The following ARHGEF28 variants were observed in gnomAD, a reference collection of about 807,000 sequenced individuals.
ARHGEF28 encodes the protein 190 kDa guanine nucleotide exchange factor.
A neutral mutation model predicts 206.6 loss-of-function variants in ARHGEF28; 152 were observed. The observed-to-expected ratio is 0.74, with a 90% CI of 0.64 to 0.84. ARHGEF28 has a LOEUF of 0.84. Ranked by LOEUF, ARHGEF28 falls within the 40% of genes least tolerant of loss-of-function variation. The pLI, the probability that ARHGEF28 is intolerant of heterozygous loss-of-function variation, is 0.00. For missense variants in ARHGEF28, 2,028 were observed against 2,073.2 expected, an observed-to-expected ratio of 0.98 and a Z score of 0.42; for synonymous variants, 763 against 776.4, an observed-to-expected ratio of 0.98 and a Z score of 0.29.
intron 9 of ARHGEF28, among the ~76,000 whole-genome samples, chr5:73,815,440 G>A (rs918845645): frequency 1.7e-4 from 26 of 152,144 alleles, no homozygotes; most frequent in Non-Finnish European, 3.2e-4. Flanking sequence ...TTTGAGGGAG[G>A]AGATACACAA....
chr5:73,769,187 A>G (rs1045415303), intron 4 of ARHGEF28, among the ~76,000 whole-genome samples: 6 of 152,164 alleles, frequency 3.9e-5, no homozygotes, highest in African/African-American at 1.2e-4. Context: ...CTGTGTCTGT[A>G]TGTGTATATA....
chr5:73,911,716 C>A, intron 35 of ARHGEF28, 141 bp downstream of exon 35: 1 of 945,102 alleles, frequency 1.1e-6, no homozygotes, highest in Non-Finnish European at 1.5e-6. Context: ...TTGTGGCATT[C>A]ACTTTTCTTT....
intron 33 of ARHGEF28, among the ~76,000 whole-genome samples, chr5:73,907,896 G>A (rs960393501): frequency 6.6e-6 from 1 of 152,138 alleles, no homozygotes; most frequent in African/African-American, 2.4e-5. Flanking sequence ...TAACTCTTAC[G>A]TGAGAGTTAT....
chr5:73,914,391 C>CT (rs571265796), intron 35 of ARHGEF28, among the ~76,000 whole-genome samples: 5,857 of 102,840 alleles, frequency 0.057, 335 homozygotes, highest in East Asian at 0.087. Context: ...TTCTGAATTG[C>CT]TTTTTTTTTT....
At chr5:73,660,935 A>G (rs1745558943) in intron 1 of ARHGEF28, among the ~76,000 whole-genome samples, 1 of 152,196 alleles carries the variant, frequency 6.6e-6, no homozygotes, top group Admixed American at 6.5e-5. Flanking sequence ...GGAATGGTAA[A>G]TGAGCATCGG....
intron 7 of ARHGEF28, among the ~76,000 whole-genome samples, chr5:73,788,002 G>C (rs1016325984): frequency 6.6e-6 from 1 of 152,046 alleles, no homozygotes; most frequent in African/African-American, 2.4e-5. Flanking sequence ...AGATCATCTG[G>C]TTAAACCCAC....
chr5:73,626,401 C>T (rs545563848), intron 1 of ARHGEF28, 79 bp downstream of exon 1: 55 of 152,348 alleles, frequency 3.6e-4, no homozygotes, highest in African/African-American at 1.3e-3. Flanking sequence ...GAGTTCGCAT[C>T]CGCAGGGCCA....
chr5:73,713,293 C>T (rs1005087593), intron 2 of ARHGEF28, among the ~76,000 whole-genome samples: 1 of 152,130 alleles, frequency 6.6e-6, no homozygotes, highest in African/African-American at 2.4e-5. Flanking sequence ...CTCTATTTTG[C>T]TTTCTTCATA....
intron 5 of ARHGEF28, 61 bp from the exon 6 acceptor site, chr5:73,776,455 C>T: frequency 6.8e-7 from 1 of 1,462,790 alleles, no homozygotes; most frequent in Non-Finnish European, 9.2e-7. Flanking sequence ...ATCCTAAGGG[C>T]TGGGATCCTG....
intron 14 of ARHGEF28, among the ~76,000 whole-genome samples, chr5:73,854,831 CA>C (rs925742121): frequency 6.2e-5 from 9 of 146,036 alleles, no homozygotes; most frequent in African/African-American, 2.3e-4. Context: ...GACTCCATCT[CA>C]AAAAAAAACA....
rs139158291 is a variant in ARHGEF28, at chr5:73,796,244, C to T, written c.1024+853C>T. Reference sequence around the variant, plus strand: ...GGCTGACAAGTGAGAGGCAGATGAGCACGAACCACTCCAGTTGGTTTCCTC... The same window carrying T: ...GGCTGACAAGTGAGAGGCAGATGAGTACGAACCACTCCAGTTGGTTTCCTC... On this transcript the variant is annotated intron_variant, in intron 9 of 35. Transcript: ENST00000513042. Among the ~76,000 whole-genome samples the T allele has an allele frequency of 7.8e-4, 119 of 152,316 alleles. 1 individual carries two copies. Among genetic ancestry groups the T allele is most frequent in the Middle Eastern group, 6.8e-3 (2 of 294 alleles).
chr5:73,813,766 G>A, intron 9 of ARHGEF28: 1 of 1,386,776 alleles, frequency 7.2e-7, no homozygotes, highest in South Asian at 1.3e-5. Flanking sequence ...TTTTTCCAAT[G>A]TAGCGCGTGT....
At chr5:73,893,385 C>A in intron 28 of ARHGEF28, 97 bp downstream of exon 28, 1 of 938,000 alleles carries the variant, frequency 1.1e-6, no homozygotes. Flanking sequence ...CTACATGATT[C>A]ATCCTGTGCA....
intron 2 of ARHGEF28, among the ~76,000 whole-genome samples, chr5:73,687,843 A>AT (rs1747568514): frequency 6.6e-6 from 1 of 152,066 alleles, no homozygotes; most frequent in African/African-American, 2.4e-5. Flanking sequence ...TTTGATACAG[A>AT]TTTTTCCAGA....
At chr5:73,751,519 C>T (rs1385767428) in intron 3 of ARHGEF28, among the ~76,000 whole-genome samples, 2 of 152,160 alleles carry the variant, frequency 1.3e-5, no homozygotes, top group East Asian at 1.9e-4. Context: ...CCCTACCTTT[C>T]GTTTTGCTCC....
chr5:73,699,165 GTA>G (rs1010302526), intron 2 of ARHGEF28, among the ~76,000 whole-genome samples: 1 of 151,742 alleles, frequency 6.6e-6, no homozygotes, highest in African/African-American at 2.4e-5. Context: ...GTGTGTGTGT[GTA>G]TGTGTGTGTG....
chr5:73,750,097 C>A, intron 3 of ARHGEF28, 113 bp downstream of exon 3: 1 of 1,305,452 alleles, frequency 7.7e-7, no homozygotes. Context: ...GCTGCAAGGT[C>A]AGGAGTGTGT....
At chr5:73,784,227 G>T (rs565736647) in intron 7 of ARHGEF28, among the ~76,000 whole-genome samples, 1 of 151,998 alleles carries the variant, frequency 6.6e-6, no homozygotes, top group Admixed American at 6.6e-5. Context: ...GGGACAATGT[G>T]TAGTAGGGGG....
Position 73,894,505 on chromosome 5 carries a change from C to T in ARHGEF28, c.3771C>T (p.His1257=). ...TTGAGGACGTCCATCTAGAGCCCCA[C>T]CTCCTTATTAAACCTGACCCAGGCG... ...SGFEDVHLEP[H]LLIKPDPGEP... is the part of the protein sequence containing the mutation. Residue 1257 remains histidine (H), a synonymous_variant, in exon 29 of 36, where the codon CAC becomes CAT. Transcript: ENST00000513042. 5 of 1,613,992 alleles carry T rather than the reference C, an allele frequency of 3.1e-6. No individual in the cohort carries two copies. The highest frequency in any genetic ancestry group is 1.1e-5 in the South Asian group (1 of 91,066).
Sources: allele counts gnomAD v4.1 joint callset (sites outside exome capture counted in the v4.1 genomes callset), GRCh38; gene constraint gnomAD v4.1.1; transcripts MANE v1.5; gene names NCBI Gene and HGNC (gene_info 2026-07-23, HGNC 2026-07-21).